GPR37L1: variants seen among roughly 807,000 people sequenced by gnomAD.
The protein encoded by GPR37L1 is G protein-coupled receptor 37-like 1.
A neutral mutation model predicts 18.0 loss-of-function variants in GPR37L1; 18 were observed. The ratio of observed to expected loss-of-function variants is 1.00; its 90% confidence interval spans 0.69 to 1.49. GPR37L1 has a LOEUF of 1.49. GPR37L1 is among the 40% of genes most tolerant of loss of function. The pLI is 0.00. For synonymous variants in GPR37L1, 256 were observed against 273.9 expected, an observed-to-expected ratio of 0.93 and a Z score of 0.65; for missense variants, 558 against 615.1, an observed-to-expected ratio of 0.91 and a Z score of 0.98.
In GPR37L1 at chr1:202,133,444, G is replaced by A. The variant is rs890236378; in HGVS notation, c.*4888G>A. ...GTCATTTATTTTTTTTGTTGTCATTGTTATTAGGAAGCAAAAAAATGTACA... is the reference window on the plus strand; with the variant it reads ...GTCATTTATTTTTTTTGTTGTCATTATTATTAGGAAGCAAAAAAATGTACA... On this transcript the variant is annotated 3_prime_UTR_variant, in exon 2 of 2. Coordinates refer to ENST00000367282, the MANE Select transcript of GPR37L1 (RefSeq NM_004767.5). 6.6e-6 allele frequency: 1 copy of A among 152,122 alleles called. No individual in the cohort carries two copies. Among genetic ancestry groups the A allele is most frequent in the Non-Finnish European group, 1.5e-5 (1 of 68,018 alleles). 9.4% of individuals were successfully genotyped at this position (152,122 alleles called of 1,614,324 possible).
At chr1:202,124,804 C>T (rs1479517232) in intron 1 of GPR37L1, among the ~76,000 whole-genome samples, 1 of 152,192 alleles carries the variant, frequency 6.6e-6, no homozygotes, top group Non-Finnish European at 1.5e-5. Context: ...GCAGTGGGTA[C>T]AGTCCTTTCC....
intron 1 of GPR37L1, among the ~76,000 whole-genome samples, chr1:202,127,438 C>T (rs1007578184): frequency 3.9e-5 from 6 of 152,034 alleles, no homozygotes. Context: ...CCTAAGTTTC[C>T]CGAGTAGTTG....
rs1398082376 is a variant in GPR37L1, at chr1:202,130,663, G to C, written c.*2107G>C. 1 of 152,292 alleles carries C rather than the reference G, an allele frequency of 6.6e-6. No homozygotes were observed. Among genetic ancestry groups the C allele is most frequent in the Non-Finnish European group, 1.5e-5 (1 of 68,140 alleles). 9.4% of individuals were successfully genotyped at this position (152,292 alleles called of 1,614,324 possible). On this transcript the variant is annotated 3_prime_UTR_variant, in exon 2 of 2. Coordinates refer to ENST00000367282, the MANE Select transcript of GPR37L1 (RefSeq NM_004767.5). ...CTGTCTGTAGAAACTTCAGATGGGT[G>C]GGGGAGCAGGTTGGAGAGGGGACCA...
intron 1 of GPR37L1, among the ~76,000 whole-genome samples, chr1:202,126,868 T>TGTGTGCGTGTGTGC (rs984736079): frequency 4.0e-5 from 6 of 151,008 alleles, no homozygotes; most frequent in African/African-American, 9.8e-5. Context: ...TGTGTGTGTG[T>TGTGTGCGTGTGTGC]GCACGCGTAA....
chr1:202,128,045 G>A lies in GPR37L1; in HGVS notation c.935G>A (p.Trp312Ter). ...ACCTACCAGAACGCCCGCATGTGGT[G>A]GTACTTTGGCTGCTACTTCTGCCTG... ...VMTYQNARMW[W>*]YFGCYFCLPI... The change falls in exon 2 of 2, where the codon TGG becomes TAG. Residue 312 changes from tryptophan (W) to a stop codon, truncating the protein, a stop_gained. Coordinates refer to ENST00000367282, the MANE Select transcript of GPR37L1 (RefSeq NM_004767.5). LOFTEE classifies it low-confidence loss of function (END_TRUNC). 1 of 1,614,190 alleles carries A rather than the reference G, an allele frequency of 6.2e-7. No homozygotes were observed. Among genetic ancestry groups the A allele is most frequent in the Non-Finnish European group, 8.5e-7 (1 of 1,180,028 alleles).
At chr1:202,124,641 C>T (rs964118242) in intron 1 of GPR37L1, among the ~76,000 whole-genome samples, 1 of 152,180 alleles carries the variant, frequency 6.6e-6, no homozygotes, top group Non-Finnish European at 1.5e-5. Flanking sequence ...GCTGCTGTTC[C>T]TTCGTGAATG....
At chr1:202,126,484 A>G (rs994716157) in intron 1 of GPR37L1, among the ~76,000 whole-genome samples, 1 of 151,892 alleles carries the variant, frequency 6.6e-6, no homozygotes, top group Admixed American at 6.6e-5. Flanking sequence ...CTCCCCTGCC[A>G]AGAGAGGGGG....
chr1:202,125,393 G>C (rs75729308), intron 1 of GPR37L1, among the ~76,000 whole-genome samples: 2 of 152,024 alleles, frequency 1.3e-5, no homozygotes, highest in African/African-American at 4.8e-5. Context: ...AATAATAATA[G>C]CTATCTGGGT....
At position 202,128,265 on chromosome 1, in the gene GPR37L1, C is replaced by A. The variant is rs1654730438; in HGVS notation, c.1155C>A (p.Leu385=). ...TCTGCAACATCGTGGTGGCCTACCTCTCCACCGAGCTGACCCGCCAGACCC... is the reference window on the plus strand; with the variant it reads ...TCTGCAACATCGTGGTGGCCTACCTATCCACCGAGCTGACCCGCCAGACCC... ...ENVCNIVVAY[L]STELTRQTLD... Residue 385 remains leucine (L), a synonymous_variant, in exon 2 of 2, where the codon CTC becomes CTA. Coordinates refer to ENST00000367282, the MANE Select transcript of GPR37L1 (RefSeq NM_004767.5). The A allele has an allele frequency of 1.4e-5, 22 of 1,614,112 alleles. No homozygotes were observed. The highest frequency in any genetic ancestry group is 1.8e-5 in the Non-Finnish European group (21 of 1,180,030).
chr1:202,127,279 TTTCCTTCCTTCC>T (rs71141454), intron 1 of GPR37L1, among the ~76,000 whole-genome samples: 12 of 142,640 alleles, frequency 8.4e-5, no homozygotes, highest in Non-Finnish European at 1.5e-4. Flanking sequence ...TCCTTCCTTC[TTTCCTTCCTTCC>T]TTCCTTCCTT....
Position 202,133,590 on chromosome 1 carries a change from C to T in GPR37L1, c.*5034C>T, listed in dbSNP as rs1654921781. ...AATAAACAAACAGAACCCAAAGAAC[C>T]AACCCCCCATGCTGAGTTCTCTCCT... On this transcript the variant is annotated 3_prime_UTR_variant, in exon 2 of 2. Transcript: ENST00000367282. The T allele has an allele frequency of 6.6e-6, 1 of 152,148 alleles. No individual in the cohort carries two copies. The highest frequency in any genetic ancestry group is 1.5e-5 in the Non-Finnish European group (1 of 68,032). The allele number at this position is 152,148 out of a possible 1,614,324, so 9.4% of individuals were successfully genotyped here.
intron 1 of GPR37L1, among the ~76,000 whole-genome samples, chr1:202,126,463 G>T (rs905819907): frequency 6.6e-6 from 1 of 151,902 alleles, no homozygotes; most frequent in African/African-American, 2.4e-5. Flanking sequence ...CTGTGCCTCT[G>T]CAGGCCTGGG....
chr1:202,128,757 T>C lies in GPR37L1; in HGVS notation c.*201T>C, dbSNP rs1190122811. 1.5e-5 allele frequency: 8 copies of C among 544,736 alleles called. No individual in the cohort carries two copies. The highest frequency in any genetic ancestry group is 2.3e-5 in the Non-Finnish European group (7 of 307,892). The allele number at this position is 544,736 out of a possible 1,614,324, so 33.7% of individuals were successfully genotyped here. A position where few individuals can be genotyped will look rare whatever the true frequency, so the allele number is the denominator to read the frequency against. The stretch of plus-strand genomic sequence containing the variant: ...CTTGTGGGGCCTTCCAACCCTGTCC[T>C]TTCCACTGGTGGGCGGTGATGCTTC... On this transcript the variant is annotated 3_prime_UTR_variant, in exon 2 of 2. Transcript: ENST00000367282.
At position 202,132,118 on chromosome 1, in the gene GPR37L1, C is replaced by A. The variant is rs1461085711; in HGVS notation, c.*3562C>A. The A allele has an allele frequency of 1.3e-5, 2 of 152,226 alleles. No individual in the cohort carries two copies. Among genetic ancestry groups the A allele is most frequent in the African/African-American group, 2.4e-5 (1 of 41,460 alleles). The allele number at this position is 152,226 out of a possible 1,614,324, so 9.4% of individuals were successfully genotyped here. ...CTTGCTTGCTTCCTGGTAACCAGCT[C>A]TCTTATCTCAAACCTCAATCCTCAG... On this transcript the variant is annotated 3_prime_UTR_variant, in exon 2 of 2. Transcript: ENST00000367282.
chr1:202,123,945 A>G (rs1395499962), intron 1 of GPR37L1, among the ~76,000 whole-genome samples: 1 of 152,000 alleles, frequency 6.6e-6, no homozygotes, highest in Admixed American at 6.6e-5. Flanking sequence ...GTCCCACCCA[A>G]GATACCTCTG....
rs547281661 is a variant in GPR37L1, at chr1:202,133,503, T to C, written c.*4947T>C. 14 of 152,346 alleles carry C rather than the reference T, an allele frequency of 9.2e-5. No individual in the cohort carries two copies. The East Asian group carries it at 2.7e-3, about 29-fold the overall frequency. The allele number at this position is 152,346 out of a possible 1,614,324, so 9.4% of individuals were successfully genotyped here. A position where few individuals can be genotyped will look rare whatever the true frequency, so the allele number is the denominator to read the frequency against. Reference sequence around the variant, plus strand: ...AATCATTTTCCAAACAGAGGTTAAATATGAGCTGAAAAGTGTAAAAAAGGA... The same window carrying C: ...AATCATTTTCCAAACAGAGGTTAAACATGAGCTGAAAAGTGTAAAAAAGGA... On this transcript the variant is annotated 3_prime_UTR_variant, in exon 2 of 2. Transcript: ENST00000367282.
In GPR37L1 at chr1:202,127,993, C is replaced by A; in HGVS notation, c.883C>A (p.Pro295Thr). The change falls in exon 2 of 2, where the codon CCC becomes ACC. Residue 295 changes from proline (P) to threonine (T), a missense_variant. Coordinates refer to ENST00000367282, the MANE Select transcript of GPR37L1 (RefSeq NM_004767.5). ...CATCATGAAACCCTCAGCCAGCCTG[C>A]CCGAGTCCCTGTATTCACTGGTGAT... ...SCIMKPSASL[P>T]ESLYSLVMTY... 1.2e-6 allele frequency: 2 copies of A among 1,614,124 alleles called. No homozygotes were observed. The highest frequency in any genetic ancestry group is 1.6e-4 in the Middle Eastern group (1 of 6,062).
rs1449109869 is a variant in GPR37L1 at position 202,131,852 on chromosome 1, T to C, written c.*3296T>C. The C allele has an allele frequency of 6.6e-6, 1 of 151,922 alleles. No homozygotes were observed. The highest frequency in any genetic ancestry group is 2.4e-5 in the African/African-American group (1 of 41,238). 9.4% of individuals were successfully genotyped at this position (151,922 alleles called of 1,614,324 possible). ...CCTGGGCTCAAGCGATTCTCCTGCC[T>C]CAGCTTCCTGAGTAGCTGGGACTAC... is the stretch of plus-strand genomic sequence containing the variant. On this transcript the variant is annotated 3_prime_UTR_variant, in exon 2 of 2. Coordinates refer to ENST00000367282, the MANE Select transcript of GPR37L1 (RefSeq NM_004767.5).
At position 202,123,099 on chromosome 1, in the gene GPR37L1, A is replaced by C; in HGVS notation, c.136A>C (p.Arg46=). ...ETQEQQSRSK[R]GTEDEEAKGV... ...CCAGGAGCAGCAGAGCCGATCCAAGAGGGGCACCGAGGATGAGGAGGCCAA... is the reference window on the plus strand; with the variant it reads ...CCAGGAGCAGCAGAGCCGATCCAAGCGGGGCACCGAGGATGAGGAGGCCAA... Residue 46 remains arginine (R), a synonymous_variant, in exon 1 of 2, where the codon AGG becomes CGG. Transcript: ENST00000367282. The C allele has an allele frequency of 6.2e-7, 1 of 1,613,682 alleles. No individual in the cohort carries two copies. Among genetic ancestry groups the C allele is most frequent in the Non-Finnish European group, 8.5e-7 (1 of 1,179,914 alleles).
Sources: allele counts gnomAD v4.1 joint callset (sites outside exome capture counted in the v4.1 genomes callset), GRCh38; gene constraint gnomAD v4.1.1; transcripts MANE v1.5; gene names NCBI Gene and HGNC (gene_info 2026-07-23, HGNC 2026-07-21).